Variants in DDX24 observed in about 807,000 individuals in gnomAD.
DDX24 encodes the protein DEAD-box helicase 24, also known as ATP-dependent RNA helicase DDX24.
Under a neutral mutation model 68.9 loss-of-function variants are expected in DDX24, and 24 were observed. The observed-to-expected ratio is 0.35, with a 90% CI of 0.25 to 0.49. The LOEUF is 0.49. DDX24 is among the 20% of genes least tolerant of loss of function. DDX24 has a pLI of 0.99. For synonymous variants in DDX24, 395 were observed against 385.2 expected, an observed-to-expected ratio of 1.03 and a Z score of -0.30; for missense variants, 989 against 1,039.0, an observed-to-expected ratio of 0.95 and a Z score of 0.66.
chr14:94,057,761 T>C (rs1885516948), intron 6 of DDX24, 61 bp downstream of exon 6: 3 of 1,537,890 alleles, frequency 2.0e-6, no homozygotes, highest in Admixed American at 3.6e-5. Context: ...CCCCCAACCT[T>C]TGCCTTAAAA....
intron 6 of DDX24, 69 bp downstream of exon 6, chr14:94,057,753 C>T (rs1885516720): frequency 6.7e-7 from 1 of 1,495,818 alleles, no homozygotes; most frequent in Non-Finnish European, 9.2e-7. Context: ...TCCTCCCTCC[C>T]CCAACCTTTG....
chr14:94,064,268 C>G (rs1457458394), intron 2 of DDX24, among the ~76,000 whole-genome samples: 1 of 152,200 alleles, frequency 6.6e-6, no homozygotes, highest in South Asian at 2.1e-4. Flanking sequence ...CTTCTAAGAG[C>G]CTTGTAACTT....
At position 94,055,120 on chromosome 14, in the gene DDX24, C is replaced by A; in HGVS notation, c.2054G>T (p.Gly685Val). The change falls in exon 7 of 9, where the codon GGC (glycine) becomes GTC (valine). Residue 685 changes from glycine (G) to valine (V), a missense_variant. Gly to Val is a moderately radical substitution (Grantham distance 109). This residue lies in a region of DDX24 where 691 missense variants were observed against 760.0 expected (regional missense o/e 0.91). Transcript: ENST00000621632. Reference sequence around the variant, plus strand: ...AGGCCCAATGAGCATCAGACTGAGGCCTTCATTGGTAGCTCGAGCAGTTCG... The same window carrying A: ...AGGCCCAATGAGCATCAGACTGAGGACTTCATTGGTAGCTCGAGCAGTTCG... ...SGRTARATNEGLSLMLIGPED... is the reference protein window; with the variant it reads ...SGRTARATNEVLSLMLIGPED... 1.2e-6 allele frequency: 2 copies of A among 1,614,156 alleles called. No individual in the cohort carries two copies. The highest frequency in any genetic ancestry group is 1.7e-6 in the Non-Finnish European group (2 of 1,180,014).
chr14:94,080,091 C>G (rs1886035339), intron 1 of DDX24, among the ~76,000 whole-genome samples: 1 of 152,190 alleles, frequency 6.6e-6, no homozygotes, highest in Non-Finnish European at 1.5e-5. Context: ...CTAACAATAT[C>G]TAAGTTGTAC....
intron 1 of DDX24, among the ~76,000 whole-genome samples, chr14:94,080,712 A>C (rs1405823438): frequency 1.3e-5 from 2 of 149,428 alleles, no homozygotes; most frequent in African/African-American, 2.6e-5. Context: ...ACAAAAAACA[A>C]ACAAAAAAAA....
intron 2 of DDX24, among the ~76,000 whole-genome samples, chr14:94,072,438 G>A (rs533388847): frequency 1.1e-4 from 17 of 152,274 alleles, no homozygotes; most frequent in African/African-American, 1.9e-4. Context: ...AATGGACTCC[G>A]GGTACTTGGG....
chr14:94,051,970 GA>G (rs1333544644), intron 8 of DDX24: 2 of 153,272 alleles, frequency 1.3e-5, no homozygotes, highest in East Asian at 3.8e-4. Context: ...TGCACATGGA[GA>G]AGCTGGCAGA....
chr14:94,051,002 T>G lies in DDX24; in HGVS notation c.*189A>C. On this transcript the variant is annotated 3_prime_UTR_variant, in exon 9 of 9. Coordinates refer to ENST00000621632, the MANE Select transcript of DDX24 (RefSeq NM_020414.4). ...ACACTGCAATACAGAAAAATTAAGC[T>G]GCTGCATTGAATTCTTACTCCAAAA... is the stretch of plus-strand genomic sequence containing the variant. 1.9e-6 allele frequency: 1 copy of G among 517,636 alleles called. No homozygotes were observed. Among genetic ancestry groups the G allele is most frequent in the Non-Finnish European group, 3.2e-6 (1 of 315,508 alleles). 32.1% of individuals were successfully genotyped at this position (517,636 alleles called of 1,614,324 possible).
chr14:94,052,158 C>A (rs1885399895), intron 8 of DDX24, among the ~76,000 whole-genome samples: 1 of 152,252 alleles, frequency 6.6e-6, no homozygotes, highest in South Asian at 2.1e-4. Context: ...AATTTGCTGA[C>A]TTGGGCACCG....
At position 94,057,899 on chromosome 14, in the gene DDX24, TG is replaced by T; in HGVS notation, c.1914-3del. 1 of 1,613,306 alleles carries T rather than the reference TG, an allele frequency of 6.2e-7. No homozygotes were observed. Among genetic ancestry groups the T allele is most frequent in the Non-Finnish European group, 8.5e-7 (1 of 1,179,736 alleles). ...ACATCTGTTGCCAAGAGAACACAGCTGGGGTAGAGAGAGAAAGCTTATTAAT... is the reference window on the plus strand; with the variant it reads ...ACATCTGTTGCCAAGAGAACACAGCTGGGTAGAGAGAGAAAGCTTATTAAT... On this transcript the variant is annotated splice_polypyrimidine_tract_variant and splice_region_variant and intron_variant, in intron 5 of 8. Coordinates refer to ENST00000621632, the MANE Select transcript of DDX24 (RefSeq NM_020414.4).
At chr14:94,055,427 G>A (rs1885474928) in intron 6 of DDX24, 2 of 511,240 alleles carry the variant, frequency 3.9e-6, no homozygotes, top group Admixed American at 3.2e-5. Flanking sequence ...AGGTCCTCAG[G>A]ACCATGCAGC....
intron 2 of DDX24, among the ~76,000 whole-genome samples, chr14:94,065,054 C>CA (rs1885672074): frequency 6.9e-6 from 1 of 144,304 alleles, no homozygotes; most frequent in Admixed American, 6.9e-5. Context: ...GGTAGAAAAT[C>CA]TTTTTTTTTT....
At chr14:94,072,596 G>T (rs545818650) in intron 2 of DDX24, among the ~76,000 whole-genome samples, 1 of 152,334 alleles carries the variant, frequency 6.6e-6, no homozygotes, top group East Asian at 1.9e-4. Context: ...TTGGGAGGCC[G>T]AGGTGGGCAG....
chr14:94,062,329 A>G lies in DDX24; in HGVS notation c.1011T>C (p.Ala337=). ...TGATCAGGGAAGAAGGCCCTTCACC[A>G]GCATCATCGTCACCAAAGAGCAACG... ...DQALLFGDDD[A]GEGPSSLIRE... Residue 337 remains alanine (A), a synonymous_variant, in exon 3 of 9, where the codon GCT becomes GCC. Coordinates refer to ENST00000621632, the MANE Select transcript of DDX24 (RefSeq NM_020414.4). The G allele has an allele frequency of 6.2e-7, 1 of 1,614,274 alleles. No homozygotes were observed. Among genetic ancestry groups the G allele is most frequent in the Admixed American group, 1.7e-5 (1 of 60,034 alleles).
intron 2 of DDX24, among the ~76,000 whole-genome samples, chr14:94,065,384 GAC>G (rs58390384): frequency 8.8e-5 from 13 of 147,138 alleles, no homozygotes; most frequent in South Asian, 2.2e-4. Context: ...CTCTCTCTCT[GAC>G]ACACACACAC....
At position 94,071,080 on chromosome 14, in the gene DDX24, T is replaced by C. The variant is rs146391027; in HGVS notation, c.718+7945A>G. Among the ~76,000 whole-genome samples, 737 of 152,128 alleles carry C rather than the reference T, an allele frequency of 4.8e-3. 4 individuals carry two copies. Among genetic ancestry groups the C allele is most frequent in the African/African-American group, 0.016 (679 of 41,484 alleles). ...GTCAGCAAACTAAATAGACAACCCA[T>C]ACAGTGGCAGAAAATCTTCACAATC... is the stretch of plus-strand genomic sequence containing the variant. On this transcript the variant is annotated intron_variant, in intron 2 of 8. Coordinates refer to ENST00000621632, the MANE Select transcript of DDX24 (RefSeq NM_020414.4).
chr14:94,078,846 A>G, intron 2 of DDX24, 179 bp downstream of exon 2: 1 of 652,308 alleles, frequency 1.5e-6, no homozygotes, highest in South Asian at 2.0e-5. Context: ...TGATCTGGCT[A>G]GGATACCATT....
rs779269352 is a variant in DDX24, at chr14:94,079,344, A to G, written c.399T>C (p.Val133=). The part of the protein sequence containing the change: ...PELEAQGDDM[V]CDDPEAGEMT... ...TCTCCCCAGCCTCCGGATCATCACA[A>G]ACCATGTCATCTCCCTGGGCCTCCA... Residue 133 remains valine (V), a synonymous_variant, in exon 2 of 9, where the codon GTT becomes GTC. Coordinates refer to ENST00000621632, the MANE Select transcript of DDX24 (RefSeq NM_020414.4). 3.1e-6 allele frequency: 5 copies of G among 1,613,946 alleles called. No individual in the cohort carries two copies. Among genetic ancestry groups the G allele is most frequent in the Non-Finnish European group, 3.4e-6 (4 of 1,179,992 alleles).
chr14:94,063,052 A>G (rs1885630002), intron 2 of DDX24, among the ~76,000 whole-genome samples: 1 of 152,242 alleles, frequency 6.6e-6, no homozygotes. Flanking sequence ...CTATGCCTGA[A>G]CATTTTCAAA....
Sources: allele counts gnomAD v4.1 joint callset (sites outside exome capture counted in the v4.1 genomes callset), GRCh38; gene constraint gnomAD v4.1.1; regional missense constraint gnomAD v4.1.1; transcripts MANE v1.5; gene names NCBI Gene and HGNC (gene_info 2026-07-23, HGNC 2026-07-21).